Variants in PRICKLE2 observed in about 807,000 individuals in gnomAD.
The protein encoded by PRICKLE2 is prickle-like protein 2.
A neutral mutation model predicts 81.4 loss-of-function variants in PRICKLE2; 21 were observed. That is an observed-to-expected ratio of 0.26 (90% confidence interval 0.18 to 0.37). The LOEUF (loss-of-function observed/expected upper bound fraction) is 0.37. Among genes scored for constraint, PRICKLE2 ranks in the 10% least tolerant of loss-of-function variants. PRICKLE2 has a pLI of 1.00. For missense variants in PRICKLE2, 940 were observed against 1,109.0 expected (o/e 0.85, Z 2.16); for synonymous variants, 456 against 421.5 (o/e 1.08, Z -1.00).
chr3:64,233,794 A>G (rs1221785177), intron 2 of PRICKLE2, among the ~76,000 whole-genome samples: 1 of 152,186 alleles, frequency 6.6e-6, no homozygotes, highest in Non-Finnish European at 1.5e-5. Context: ...ACTTTCTTCA[A>G]TCCAAAAAGA....
At chr3:64,174,773 T>G (rs1308286506) in intron 2 of PRICKLE2, 2 of 216,224 alleles carry the variant, frequency 9.2e-6, no homozygotes, top group East Asian at 2.2e-4. Flanking sequence ...GTTGTTGCAG[T>G]CTTAGTGGAT....
In PRICKLE2 at chr3:64,095,701, C is replaced by G. The variant is rs1000554087; in HGVS notation, c.*3350G>C. 1.2e-4 allele frequency: 19 copies of G among 152,182 alleles called. No homozygotes were observed. Among genetic ancestry groups the G allele is most frequent in the Admixed American group, 1.2e-3 (19 of 15,282 alleles). 9.4% of individuals were successfully genotyped at this position (152,182 alleles called of 1,614,324 possible). The stretch of plus-strand genomic sequence containing the variant: ...TACAGGAAATGAGGATTAGAAAGCA[C>G]TACTTCCAGATCCTGTATTAGAAAC... On this transcript the variant is annotated 3_prime_UTR_variant, in exon 8 of 8. Transcript: ENST00000638394.
chr3:64,267,357 G>T (rs1274706619), intron 2 of PRICKLE2, among the ~76,000 whole-genome samples: 1 of 150,920 alleles, frequency 6.6e-6, no homozygotes, highest in Admixed American at 6.6e-5. Flanking sequence ...AAGAAGCAAA[G>T]AAATGGATTT....
At chr3:64,248,664 A>C (rs2079395733) in intron 2 of PRICKLE2, among the ~76,000 whole-genome samples, 2 of 150,430 alleles carry the variant, frequency 1.3e-5, no homozygotes, top group Non-Finnish European at 3.0e-5. Flanking sequence ...AACCAAAAAA[A>C]ACAAAACAAA....
rs116604324 is a variant in PRICKLE2 at position 64,130,821 on chromosome 3, G to A, written c.1660+16009C>T. Among the ~76,000 whole-genome samples the A allele has an allele frequency of 4.3e-3, 649 of 152,306 alleles. 1 individual carries two copies. Among genetic ancestry groups the A allele is most frequent in the African/African-American group, 0.014 (576 of 41,564 alleles). On this transcript the variant is annotated intron_variant, in intron 7 of 7. Coordinates refer to ENST00000638394, the MANE Select transcript of PRICKLE2 (RefSeq NM_198859.4). ...TCTTGGGGGTGGGGTCCAGGTATCA[G>A]TATTTCTTTAAAGCTCCCCAGATGA... is the stretch of plus-strand genomic sequence containing the variant.
intron 1 of PRICKLE2, among the ~76,000 whole-genome samples, chr3:64,218,121 T>A (rs543350099): frequency 6.6e-6 from 1 of 152,182 alleles, no homozygotes; most frequent in African/African-American, 2.4e-5. Flanking sequence ...TAATTTAAAA[T>A]AGCCAAAACC....
chr3:64,213,874 C>T (rs2078831374), intron 1 of PRICKLE2, among the ~76,000 whole-genome samples: 2 of 152,148 alleles, frequency 1.3e-5, no homozygotes, highest in Admixed American at 1.3e-4. Context: ...AGCCCTTCAC[C>T]AAACACCTGA....
chr3:64,099,759 G>C lies in PRICKLE2; in HGVS notation c.1827C>G (p.Leu609=). The change falls in exon 8 of 8, where the codon CTC becomes CTG. Residue 609 remains leucine, a synonymous_variant. Coordinates refer to ENST00000638394, the MANE Select transcript of PRICKLE2 (RefSeq NM_198859.4). The surrounding 1 kb of genome is among the most constrained non-coding windows in gnomAD (Gnocchi z 4.3). ...CCATCTCCTGGTACTGCTGGGCAGA[G>C]AGCAGGCTGCGAACTGACTCTGCGC... ...FRSAESVRSL[L]SAQQYQEMEG... 6.2e-7 allele frequency: 1 copy of C among 1,614,212 alleles called. No individual in the cohort carries two copies. The highest frequency in any genetic ancestry group is 8.5e-7 in the Non-Finnish European group (1 of 1,180,032).
chr3:64,168,293 T>C (rs1422374452), intron 2 of PRICKLE2, among the ~76,000 whole-genome samples: 1 of 152,128 alleles, frequency 6.6e-6, no homozygotes, highest in East Asian at 1.9e-4. Context: ...TATTTTGGCT[T>C]CCCTGGGCCA....
upstream of PRICKLE2, among the ~76,000 whole-genome samples, chr3:64,226,586 T>C (rs563047085): frequency 5.9e-5 from 9 of 152,220 alleles, no homozygotes; most frequent in Admixed American, 1.3e-4. Context: ...GAAAGTAAAA[T>C]ATTGAATAGA....
At chr3:64,240,665 G>A (rs2079251054) in intron 2 of PRICKLE2, among the ~76,000 whole-genome samples, 1 of 152,142 alleles carries the variant, frequency 6.6e-6, no homozygotes, top group Non-Finnish European at 1.5e-5. Context: ...GAATGTCTGA[G>A]CCAGCGGTTC....
chr3:64,099,648 A>G lies in PRICKLE2; in HGVS notation c.1938T>C (p.Asp646=), dbSNP rs747455086. 14 of 1,614,122 alleles carry G rather than the reference A, an allele frequency of 8.7e-6. No individual in the cohort carries two copies. The highest frequency in any genetic ancestry group is 1.1e-5 in the Non-Finnish European group (13 of 1,180,024). Residue 646 remains aspartate, a synonymous_variant, in exon 8 of 8, where the codon GAT becomes GAC. Coordinates refer to ENST00000638394, the MANE Select transcript of PRICKLE2 (RefSeq NM_198859.4). This position sits in a 1 kb window ranked among gnomAD's most constrained non-coding sequence, Gnocchi z 4.3. The part of the protein sequence containing the change: ...HGRMHQSFDF[D]GGMAGSKLPG... ...GCAGCTTGCTGCCCGCCATCCCTCC[A>G]TCAAAATCAAAGCTCTGATGCATCC...
chr3:64,226,758 T>C (rs1646008221), upstream of PRICKLE2, among the ~76,000 whole-genome samples: 1 of 152,254 alleles, frequency 6.6e-6, no homozygotes, highest in Non-Finnish European at 1.5e-5. Context: ...AAATCATATA[T>C]TCCTTCAATG....
chr3:64,245,739 T>G (rs2079339912), intron 2 of PRICKLE2, among the ~76,000 whole-genome samples: 1 of 152,164 alleles, frequency 6.6e-6, no homozygotes, highest in Admixed American at 6.5e-5. Flanking sequence ...CAGCTAAGCA[T>G]TGTTCAGCTG....
rs1657941805 is a variant in PRICKLE2 at position 64,157,227 on chromosome 3, C to T, written c.535G>A (p.Gly179Arg). 6 of 1,614,214 alleles carry T rather than the reference C, an allele frequency of 3.7e-6. No individual in the cohort carries two copies. Among genetic ancestry groups the T allele is most frequent in the Non-Finnish European group, 5.1e-6 (6 of 1,180,034 alleles). Residue 179 changes from glycine to arginine, a missense_variant, in exon 5 of 8, where the codon GGG becomes AGG. Physicochemically the swap from Gly to Arg is moderately radical, Grantham distance 125. Around this residue, in one of 2 missense-constraint regions of PRICKLE2, gnomAD observed 270 missense variants for 391.8 expected, o/e 0.69. Coordinates refer to ENST00000638394, the MANE Select transcript of PRICKLE2 (RefSeq NM_198859.4). Reference protein sequence around the residue: ...LVDLIYFYQDGKIYCGRHHAE... With the variant: ...LVDLIYFYQDRKIYCGRHHAE... ...TGGTGCCTGCCACAGTATATCTTCC[C>T]ATCTTGGTAAAAGTAGATCAGATCC...
rs2076620192 is a variant in PRICKLE2 at position 64,099,531 on chromosome 3, G to T, written c.2055C>A (p.His685Gln). 1 of 1,608,776 alleles carries T rather than the reference G, an allele frequency of 6.2e-7. No homozygotes were observed. Among genetic ancestry groups the T allele is most frequent in the Non-Finnish European group, 8.5e-7 (1 of 1,175,686 alleles). ...GAGAGCGTCGGGAACGCCTGGACCT[G>T]TGAGGTCGGAAACGGCGGTTGTCGT... is the stretch of plus-strand genomic sequence containing the variant. ...SRDDNRRFRP[H>Q]RSRRSRRSRS... The change falls in exon 8 of 8, where the codon CAC (histidine) becomes CAA (glutamine). Residue 685 changes from histidine to glutamine, a missense_variant. Coordinates refer to ENST00000638394, the MANE Select transcript of PRICKLE2 (RefSeq NM_198859.4). The surrounding 1 kb of genome is among the most constrained non-coding windows in gnomAD (Gnocchi z 4.3).
At chr3:64,178,991 CTTTCTT>C (rs1167119865) in intron 2 of PRICKLE2, among the ~76,000 whole-genome samples, 3 of 144,646 alleles carry the variant, frequency 2.1e-5, no homozygotes, top group African/African-American at 7.9e-5. Flanking sequence ...TTCTTTCTTT[CTTTCTT>C]TCTTTCTTTC....
chr3:64,168,519 G>A (rs924772463), intron 2 of PRICKLE2, among the ~76,000 whole-genome samples: 1 of 152,204 alleles, frequency 6.6e-6, no homozygotes, highest in South Asian at 2.1e-4. Flanking sequence ...AGCGGTCATC[G>A]AACTATTGAC....
chr3:64,154,459 T>G (rs946534998), intron 5 of PRICKLE2: 4 of 151,368 alleles, frequency 2.6e-5, no homozygotes, highest in Admixed American at 6.6e-5. Flanking sequence ...GGCAGGAGAA[T>G]GGCGTGAACC....
Sources: allele counts gnomAD v4.1 joint callset (sites outside exome capture counted in the v4.1 genomes callset), GRCh38; gene constraint gnomAD v4.1.1; regional missense constraint gnomAD v4.1.1; non-coding constraint Gnocchi (gnomAD v3.1); transcripts MANE v1.5; gene names NCBI Gene and HGNC (gene_info 2026-07-23, HGNC 2026-07-21).